Variants in CACNA2D3 observed in about 807,000 individuals in gnomAD.
The protein encoded by CACNA2D3 is calcium voltage-gated channel auxiliary subunit alpha2delta 3.
In CACNA2D3, 60 loss-of-function variants were observed where a neutral mutation model predicts 160.6. The ratio of observed to expected loss-of-function variants is 0.37; its 90% CI spans 0.30 to 0.46. CACNA2D3 has a LOEUF of 0.46. Among genes scored for constraint, CACNA2D3 ranks in the 20% least tolerant of loss-of-function variants. The probability of loss-of-function intolerance (pLI) is 1.00; values close to 1 mark genes in which losing one functional copy is unlikely to be tolerated. For synonymous variants in CACNA2D3, 558 were observed against 492.9 expected, an observed-to-expected ratio of 1.13 and a Z score of -1.75; for missense variants, 1,205 against 1,365.0, an observed-to-expected ratio of 0.88 and a Z score of 1.85.
At chr3:54,577,945 G>A (rs1030978205) in intron 8 of CACNA2D3, among the ~76,000 whole-genome samples, 7 of 152,186 alleles carry the variant, frequency 4.6e-5, no homozygotes, top group African/African-American at 1.2e-4. Flanking sequence ...CCGAGTCCCC[G>A]TATGCTATGT....
intron 3 of CACNA2D3, among the ~76,000 whole-genome samples, chr3:54,325,911 G>C (rs1157676996): frequency 1.3e-5 from 2 of 152,096 alleles, no homozygotes; most frequent in Non-Finnish European, 2.9e-5. Context: ...TGATAAATCA[G>C]GCCCTTGAAA....
intron 2 of CACNA2D3, among the ~76,000 whole-genome samples, chr3:54,295,645 T>TAGTC (rs1559912932): frequency 6.6e-6 from 1 of 152,200 alleles, no homozygotes; most frequent in Non-Finnish European, 1.5e-5. Flanking sequence ...TTTACAGGAA[T>TAGTC]AGTCACTTAT....
chr3:54,481,740 A>G (rs1428410009), intron 4 of CACNA2D3, among the ~76,000 whole-genome samples: 3 of 152,220 alleles, frequency 2.0e-5, no homozygotes, highest in Admixed American at 6.5e-5. Context: ...TGAAGTGAAT[A>G]AATTTGAATT....
At chr3:54,872,015 G>T (rs1699546930) in intron 18 of CACNA2D3, among the ~76,000 whole-genome samples, 1 of 152,202 alleles carries the variant, frequency 6.6e-6, no homozygotes, top group African/African-American at 2.4e-5. Flanking sequence ...AAGCAGGCAG[G>T]TTCCTGGGCA....
chr3:55,059,515 G>T (rs912091714), intron 35 of CACNA2D3, among the ~76,000 whole-genome samples: 1 of 152,224 alleles, frequency 6.6e-6, no homozygotes, highest in Non-Finnish European at 1.5e-5. Flanking sequence ...AGACGGGCAG[G>T]TGCAGGAGCC....
chr3:54,895,543 C>T (rs1700169469), intron 25 of CACNA2D3, among the ~76,000 whole-genome samples: 1 of 152,202 alleles, frequency 6.6e-6, no homozygotes, highest in South Asian at 2.1e-4. Context: ...AACTGGGTGC[C>T]AAGTTCAGGA....
intron 4 of CACNA2D3, among the ~76,000 whole-genome samples, chr3:54,471,717 A>G (rs1000478840): frequency 6.6e-6 from 1 of 152,162 alleles, no homozygotes; most frequent in Non-Finnish European, 1.5e-5. Context: ...AATAAAGGGG[A>G]TATCACCGCT....
At chr3:54,635,223 A>T (rs919063570) in intron 10 of CACNA2D3, among the ~76,000 whole-genome samples, 10 of 152,020 alleles carry the variant, frequency 6.6e-5, no homozygotes, top group Admixed American at 1.3e-4. Context: ...TGGAATAAGA[A>T]GGAGAAAAAC....
chr3:54,766,991 C>A (rs75196730), intron 13 of CACNA2D3, among the ~76,000 whole-genome samples: 1 of 150,618 alleles, frequency 6.6e-6, no homozygotes, highest in African/African-American at 2.4e-5. Context: ...ACCAACAGAA[C>A]TGGTTACCAA....
intron 3 of CACNA2D3, among the ~76,000 whole-genome samples, chr3:54,322,752 G>A (rs948335807): frequency 6.6e-6 from 1 of 152,072 alleles, no homozygotes. Context: ...AGGAGGGAAC[G>A]TGAACTGGGT....
chr3:55,011,588 TAACAA>T (rs939222361), intron 34 of CACNA2D3, among the ~76,000 whole-genome samples: 1 of 152,096 alleles, frequency 6.6e-6, no homozygotes, highest in Admixed American at 6.5e-5. Flanking sequence ...CATGAAATTA[TAACAA>T]AACAAGACAA....
rs192092813 is a variant in CACNA2D3, at chr3:54,542,528, C to T, written c.545-20272C>T. On this transcript the variant is annotated intron_variant, in intron 5 of 37. Transcript: ENST00000474759. ...GCAGTCTTCAGTCTGTAGCCAAAGG[C>T]CCGAGAGTCCCTGCAAAACCACTGG... Among the ~76,000 whole-genome samples, 72 of 152,256 alleles carry T rather than the reference C, an allele frequency of 4.7e-4. No individual in the cohort carries two copies. The South Asian group carries it at 6.0e-3, about 13-fold the overall frequency.
chr3:54,465,023 C>T (rs75855656), intron 4 of CACNA2D3, among the ~76,000 whole-genome samples: 6,722 of 152,008 alleles, frequency 0.044, 503 homozygotes, highest in African/African-American at 0.15. Flanking sequence ...TGTAGGCTTT[C>T]TTCTTTCTTT....
intron 9 of CACNA2D3, among the ~76,000 whole-genome samples, chr3:54,612,761 G>A (rs878869549): frequency 4.6e-5 from 7 of 152,264 alleles, no homozygotes; most frequent in Admixed American, 3.3e-4. Flanking sequence ...TAAGACCAGC[G>A]GATGAATCTG....
At chr3:54,255,646 C>G (rs1251535421) in intron 2 of CACNA2D3, among the ~76,000 whole-genome samples, 1 of 152,140 alleles carries the variant, frequency 6.6e-6, no homozygotes, top group Non-Finnish European at 1.5e-5. Flanking sequence ...TTGCCGGTAA[C>G]AAAAGTACAA....
chr3:54,360,363 A>G (rs1008492803), intron 3 of CACNA2D3, among the ~76,000 whole-genome samples: 7 of 152,218 alleles, frequency 4.6e-5, no homozygotes, highest in African/African-American at 1.4e-4. Flanking sequence ...TGCAAATACT[A>G]AATTCTAGGA....
intron 3 of CACNA2D3, among the ~76,000 whole-genome samples, chr3:54,343,342 A>T (rs925084432): frequency 6.6e-6 from 1 of 151,982 alleles, no homozygotes; most frequent in African/African-American, 2.4e-5. Flanking sequence ...TCCAGGCTGG[A>T]GTATAGTGGC....
intron 4 of CACNA2D3, among the ~76,000 whole-genome samples, chr3:54,488,395 A>C (rs1480587078): frequency 6.6e-6 from 1 of 152,094 alleles, no homozygotes; most frequent in East Asian, 1.9e-4. Flanking sequence ...TCTTCTTATG[A>C]GGGCTTTTTG....
chr3:54,801,591 T>G (rs1290224905), intron 13 of CACNA2D3, among the ~76,000 whole-genome samples: 1 of 152,216 alleles, frequency 6.6e-6, no homozygotes, highest in Admixed American at 6.5e-5. Context: ...CATAAAGTGA[T>G]TTAACATGAA....
Sources: allele counts gnomAD v4.1 joint callset (sites outside exome capture counted in the v4.1 genomes callset), GRCh38; gene constraint gnomAD v4.1.1; transcripts MANE v1.5; gene names NCBI Gene and HGNC (gene_info 2026-07-23, HGNC 2026-07-21).